Variants in DCPS observed in about 807,000 individuals in gnomAD.
The protein encoded by DCPS is m7GpppX diphosphatase.
In DCPS, 27 loss-of-function variants were observed where a neutral mutation model predicts 34.7. The observed-to-expected ratio is 0.78, with a 90% CI of 0.57 to 1.07. DCPS has a LOEUF of 1.07. DCPS is among the 50% of genes least tolerant of loss of function. DCPS has a pLI of 0.00. For synonymous variants in DCPS, 185 were observed against 185.7 expected (o/e 1.00, Z 0.03); for missense variants, 464 against 436.9 (o/e 1.06, Z -0.55).
rs1299222866 is a variant in DCPS at position 126,345,437 on chromosome 11, T to G, written c.838T>G (p.Phe280Val). Reference protein sequence around the residue: ...LPSYYHLHVHFTALGFEAPGS... With the variant: ...LPSYYHLHVHVTALGFEAPGS... ...CTCCTACTACCACCTGCATGTGCACTTCACCGCCCTGGGCTTCGAGGCCCC... is the reference window on the plus strand; with the variant it reads ...CTCCTACTACCACCTGCATGTGCACGTCACCGCCCTGGGCTTCGAGGCCCC... The change falls in exon 6 of 6, where the codon TTC becomes GTC. Residue 280 changes from phenylalanine to valine, a missense_variant. Transcript: ENST00000263579. The surrounding 1 kb of genome is among the most constrained non-coding windows in gnomAD (Gnocchi z 7.4). 7 of 1,614,186 alleles carry G rather than the reference T, an allele frequency of 4.3e-6. 1 individual carries two copies. The South Asian group carries it at 6.6e-5, about 15-fold the overall frequency.
intron 2 of DCPS, among the ~76,000 whole-genome samples, chr11:126,321,928 CAA>C (rs1951709435): frequency 6.6e-6 from 1 of 151,860 alleles, no homozygotes; most frequent in Non-Finnish European, 1.5e-5. Context: ...AGCACAAAGA[CAA>C]AAGAGATGGA....
In DCPS at chr11:126,312,226, T is replaced by C. The variant is rs1951622612; in HGVS notation, c.376+5482T>C. ...GAGTACAGGCGTGAGCCACCGCATC[T>C]GGCCAGAAGTGAAACTTTAAACAAT... On this transcript the variant is annotated intron_variant, in intron 2 of 5. Transcript: ENST00000263579. The surrounding 1 kb of genome is among the most constrained non-coding windows in gnomAD (Gnocchi z 5.1). 6.6e-6 allele frequency among the ~76,000 whole-genome samples: 1 copy of C among 152,084 alleles called. No homozygotes were observed. The highest frequency in any genetic ancestry group is 2.4e-5 in the African/African-American group (1 of 41,408).
chr11:126,305,249 G>T (rs182696264), intron 1 of DCPS, among the ~76,000 whole-genome samples: 1 of 151,978 alleles, frequency 6.6e-6, no homozygotes, highest in Non-Finnish European at 1.5e-5. Flanking sequence ...CAATAGCTGG[G>T]ATTACAGGCC....
chr11:126,314,123 A>G (rs1009892481), intron 2 of DCPS, among the ~76,000 whole-genome samples: 11 of 152,200 alleles, frequency 7.2e-5, no homozygotes, highest in Non-Finnish European at 1.2e-4. Flanking sequence ...TTTCTCCCCA[A>G]TGATTGTTGT....
rs1406357710 is a variant in DCPS at position 126,325,863 on chromosome 11, T to C, written c.377-5542T>C. Among the ~76,000 whole-genome samples the C allele has an allele frequency of 6.6e-6, 1 of 152,102 alleles. No individual in the cohort carries two copies. Among genetic ancestry groups the C allele is most frequent in the African/African-American group, 2.4e-5 (1 of 41,412 alleles). ...GGCCAGGCGCGGTGGCTCACACCTG[T>C]AATCCCAGCACTTTGGGAGGCTGAG... is the stretch of plus-strand genomic sequence containing the variant. On this transcript the variant is annotated intron_variant, in intron 2 of 5. Coordinates refer to ENST00000263579, the MANE Select transcript of DCPS (RefSeq NM_014026.6). The surrounding 1 kb of genome is among the most constrained non-coding windows in gnomAD (Gnocchi z 4.3).
intron 2 of DCPS, among the ~76,000 whole-genome samples, chr11:126,310,625 T>C (rs1240078223): frequency 6.6e-6 from 1 of 152,224 alleles, no homozygotes; most frequent in Non-Finnish European, 1.5e-5. Context: ...CTGACCTATG[T>C]GTAGATTTGT....
rs1328864298 is a variant in DCPS, at chr11:126,329,795, G to A, written c.377-1610G>A. On this transcript the variant is annotated intron_variant, in intron 2 of 5. Transcript: ENST00000263579. The surrounding 1 kb of genome is among the most constrained non-coding windows in gnomAD (Gnocchi z 5.0). ...CTATGACCTCAGACCAAATATGAAA[G>A]TATAGGTTGATAGTTCTTAGCCGGG... 1.3e-5 allele frequency among the ~76,000 whole-genome samples: 2 copies of A among 152,194 alleles called. No individual in the cohort carries two copies. Among genetic ancestry groups the A allele is most frequent in the Non-Finnish European group, 2.9e-5 (2 of 68,046 alleles).
At chr11:126,326,073 G>T (rs1355341928) in intron 2 of DCPS, among the ~76,000 whole-genome samples, 1 of 152,180 alleles carries the variant, frequency 6.6e-6, no homozygotes, top group Non-Finnish European at 1.5e-5. Flanking sequence ...AGCCAAGATT[G>T]CACCACTGCA....
At position 126,327,753 on chromosome 11, in the gene DCPS, C is replaced by A; in HGVS notation, c.377-3652C>A. On this transcript the variant is annotated intron_variant, in intron 2 of 5. Transcript: ENST00000263579. This position sits in a 1 kb window ranked among gnomAD's most constrained non-coding sequence, Gnocchi z 4.1. ...AAAAATGCTCTTCCTGGGTTTAAGT[C>A]GAAAAGGCCAGATTCATTGATTCAT... is the stretch of plus-strand genomic sequence containing the variant. 6.6e-6 allele frequency among the ~76,000 whole-genome samples: 1 copy of A among 152,176 alleles called. No individual in the cohort carries two copies. Among genetic ancestry groups the A allele is most frequent in the East Asian group, 1.9e-4 (1 of 5,198 alleles).
Position 126,315,237 on chromosome 11 carries a change from A to T in DCPS, c.376+8493A>T, listed in dbSNP as rs1048094186. On this transcript the variant is annotated intron_variant, in intron 2 of 5. Coordinates refer to ENST00000263579, the MANE Select transcript of DCPS (RefSeq NM_014026.6). This position sits in a 1 kb window ranked among gnomAD's most constrained non-coding sequence, Gnocchi z 6.1. The stretch of plus-strand genomic sequence containing the variant: ...AACAAAGCTGTACATGTACCCTTTA[A>T]CCTAAAATAAGAATTAAAAAAAATA... Among the ~76,000 whole-genome samples the T allele has an allele frequency of 6.6e-6, 1 of 152,044 alleles. No homozygotes were observed. Among genetic ancestry groups the T allele is most frequent in the Admixed American group, 6.6e-5 (1 of 15,262 alleles).
rs1461352774 is a variant in DCPS, at chr11:126,304,229, A to G, written c.149A>G (p.Gln50Arg). Residue 50 changes from glutamine (Q) to arginine (R), a missense_variant, in exon 1 of 6, where the codon CAG becomes CGG. By Grantham distance (43) the Gln-to-Arg change is conservative. Coordinates refer to ENST00000263579, the MANE Select transcript of DCPS (RefSeq NM_014026.6). Reference sequence around the variant, plus strand: ...TTACCGTTCTCCGGCTTCAGACTGCAGAAGGTGCTGAGGGAGTCTGCGCGG... The same window carrying G: ...TTACCGTTCTCCGGCTTCAGACTGCGGAAGGTGCTGAGGGAGTCTGCGCGG... ...VRLPFSGFRL[Q>R]KVLRESARDK... 2 of 1,614,130 alleles carry G rather than the reference A, an allele frequency of 1.2e-6. No individual in the cohort carries two copies. Among genetic ancestry groups the G allele is most frequent in the African/African-American group, 2.7e-5 (2 of 74,944 alleles).
Position 126,323,317 on chromosome 11 carries a change from A to G in DCPS, c.377-8088A>G, listed in dbSNP as rs994216510. On this transcript the variant is annotated intron_variant, in intron 2 of 5. Transcript: ENST00000263579. The surrounding 1 kb of genome is among the most constrained non-coding windows in gnomAD (Gnocchi z 4.4). ...TTTTAATCCTCTTATCTGGGAAACAATTTTCAAAATACAATTATTGTTTTA... is the reference window on the plus strand; with the variant it reads ...TTTTAATCCTCTTATCTGGGAAACAGTTTTCAAAATACAATTATTGTTTTA... 6.6e-6 allele frequency among the ~76,000 whole-genome samples: 1 copy of G among 152,204 alleles called. No individual in the cohort carries two copies. Among genetic ancestry groups the G allele is most frequent in the African/African-American group, 2.4e-5 (1 of 41,458 alleles).
chr11:126,309,024 C>CT (rs543850318), intron 2 of DCPS, among the ~76,000 whole-genome samples: 22,329 of 138,160 alleles, frequency 0.16, 2,174 homozygotes, highest in Non-Finnish European at 0.23. Flanking sequence ...TTTCCTGCCC[C>CT]TTTTTTTTTT....
intron 2 of DCPS, among the ~76,000 whole-genome samples, chr11:126,309,626 G>A (rs1279592929): frequency 6.6e-6 from 1 of 152,006 alleles, no homozygotes; most frequent in Non-Finnish European, 1.5e-5. Flanking sequence ...CCACAATACG[G>A]AGGGCCGACT....
At position 126,349,599 on chromosome 11, in the gene DCPS, G is replaced by T. The variant is rs1398819342; in HGVS notation, c.*3986G>T. Reference sequence around the variant, plus strand: ...TACAGATCCCCGAACTGAGAAATAAGAAACAACTACATACGAAGTAATACT... The same window carrying T: ...TACAGATCCCCGAACTGAGAAATAATAAACAACTACATACGAAGTAATACT... On this transcript the variant is annotated 3_prime_UTR_variant, in exon 6 of 6. Transcript: ENST00000263579. This position sits in a 1 kb window ranked among gnomAD's most constrained non-coding sequence, Gnocchi z 5.4. Among the ~76,000 whole-genome samples, 1 of 152,154 alleles carries T rather than the reference G, an allele frequency of 6.6e-6. No homozygotes were observed. Among genetic ancestry groups the T allele is most frequent in the East Asian group, 1.9e-4 (1 of 5,202 alleles).
At chr11:126,343,715 A>T (rs1343087376) in intron 5 of DCPS, among the ~76,000 whole-genome samples, 1 of 152,046 alleles carries the variant, frequency 6.6e-6, no homozygotes, top group African/African-American at 2.4e-5. Context: ...CTACTCCAGG[A>T]TCACCTGTCT....
At chr11:126,318,205 T>G (rs1951678009) in intron 2 of DCPS, among the ~76,000 whole-genome samples, 1 of 152,114 alleles carries the variant, frequency 6.6e-6, no homozygotes, top group Non-Finnish European at 1.5e-5. Flanking sequence ...TAGAGACAGG[T>G]AATTAGTGGT....
Position 126,331,302 on chromosome 11 carries a change from C to T in DCPS, c.377-103C>T. On this transcript the variant is annotated intron_variant, in intron 2 of 5. Coordinates refer to ENST00000263579, the MANE Select transcript of DCPS (RefSeq NM_014026.6). This position sits in a 1 kb window ranked among gnomAD's most constrained non-coding sequence, Gnocchi z 7.2. ...GATCCTCTTGGATTTTGGCTTCCCT[C>T]AGGGAATCAAAGCCAGGGTGGGAGT... The T allele has an allele frequency of 6.5e-7, 1 of 1,526,722 alleles. No individual in the cohort carries two copies. Among genetic ancestry groups the T allele is most frequent in the Non-Finnish European group, 8.8e-7 (1 of 1,132,664 alleles). 94.6% of individuals were successfully genotyped at this position (1,526,722 alleles called of 1,614,324 possible).
intron 2 of DCPS, among the ~76,000 whole-genome samples, chr11:126,309,024 CTTTT>C (rs543850318): frequency 3.6e-5 from 5 of 138,396 alleles, no homozygotes; most frequent in South Asian, 2.3e-4. Flanking sequence ...TTTCCTGCCC[CTTTT>C]TTTTTTTTTT....
Sources: allele counts gnomAD v4.1 joint callset (sites outside exome capture counted in the v4.1 genomes callset), GRCh38; gene constraint gnomAD v4.1.1; non-coding constraint Gnocchi (gnomAD v3.1); transcripts MANE v1.5; gene names NCBI Gene and HGNC (gene_info 2026-07-23, HGNC 2026-07-21).